ESCO1: variants seen among roughly 807,000 people sequenced by gnomAD.
ESCO1 encodes establishment of sister chromatid cohesion N-acetyltransferase 1, also known as N-acetyltransferase ESCO1.
A neutral mutation model predicts 83.5 loss-of-function variants in ESCO1; 33 were observed. The ratio of observed to expected loss-of-function variants is 0.40; its 90% CI spans 0.30 to 0.53. The LOEUF (loss-of-function observed/expected upper bound fraction) is 0.53. Among genes scored for constraint, ESCO1 ranks in the 20% least tolerant of loss-of-function variants. The probability of loss-of-function intolerance (pLI) is 0.63; values close to 1 mark genes in which losing one functional copy is unlikely to be tolerated. For missense variants in ESCO1, 855 were observed against 968.0 expected (o/e 0.88, Z 1.55); for synonymous variants, 332 against 324.3 (o/e 1.02, Z -0.25).
intron 9 of ESCO1, among the ~76,000 whole-genome samples, chr18:21,537,105 A>G (rs868471312): frequency 1.8e-4 from 27 of 152,196 alleles, no homozygotes; most frequent in Non-Finnish European, 1.5e-4. Context: ...TCACATGTGA[A>G]CCCAAAATGT....
intron 4 of ESCO1, among the ~76,000 whole-genome samples, chr18:21,569,522 G>A (rs569359320): frequency 3.3e-5 from 5 of 152,306 alleles, no homozygotes; most frequent in East Asian, 1.9e-4. Flanking sequence ...CAAGCAGGCC[G>A]ATCACCTGAG....
At chr18:21,600,162 T>C (rs546700367) in intron 1 of ESCO1, among the ~76,000 whole-genome samples, 2 of 152,330 alleles carry the variant, frequency 1.3e-5, no homozygotes, top group South Asian at 4.1e-4. Context: ...GGCGAGGGAC[T>C]GGCTCCGGTG....
chr18:21,534,370 G>C (rs1275158463), intron 10 of ESCO1, among the ~76,000 whole-genome samples: 1 of 152,178 alleles, frequency 6.6e-6, no homozygotes, highest in East Asian at 1.9e-4. Context: ...CTGAACAGTA[G>C]TCACACACAA....
intron 8 of ESCO1, among the ~76,000 whole-genome samples, chr18:21,548,916 C>CA (rs2038009654): frequency 6.7e-6 from 1 of 149,912 alleles, no homozygotes; most frequent in Admixed American, 6.7e-5. Context: ...TCAGCCTGGC[C>CA]AATAGAGCAA....
intron 8 of ESCO1, among the ~76,000 whole-genome samples, chr18:21,551,112 CAA>C (rs57346736): frequency 3.1e-4 from 23 of 75,250 alleles, no homozygotes; most frequent in Admixed American, 8.0e-4. Context: ...AACTCTGTCT[CAA>C]AAAAAAAAAA....
rs148186955 is a variant in ESCO1 at position 21,554,849 on chromosome 18, A to G, written c.1953+6010T>C. Among the ~76,000 whole-genome samples, 333 of 152,262 alleles carry G rather than the reference A, an allele frequency of 2.2e-3. 1 individual carries two copies. The highest frequency in any genetic ancestry group is 7.4e-3 in the African/African-American group (309 of 41,546). On this transcript the variant is annotated intron_variant, in intron 8 of 11. Coordinates refer to ENST00000269214, the MANE Select transcript of ESCO1 (RefSeq NM_052911.3). ...CTTGAACCCGAGAGGCGGAGGTTTC[A>G]GTGAGCAGAGATCATGCCACTGCAC... is the stretch of plus-strand genomic sequence containing the variant.
At chr18:21,539,527 T>C (rs2037876866) in intron 9 of ESCO1, among the ~76,000 whole-genome samples, 1 of 152,186 alleles carries the variant, frequency 6.6e-6, no homozygotes, top group Admixed American at 6.5e-5. Context: ...TTCAATATAC[T>C]ATGCCAGCAA....
chr18:21,561,157 A>G (rs1216032365), intron 7 of ESCO1, among the ~76,000 whole-genome samples, 167 bp from the exon 8 acceptor site: 2 of 152,234 alleles, frequency 1.3e-5, no homozygotes, highest in African/African-American at 4.8e-5. Context: ...ATCTGCATGT[A>G]ATTTTACTAG....
chr18:21,561,007 C>G lies in ESCO1; in HGVS notation c.1822-17G>C, dbSNP rs775563937. The G allele has an allele frequency of 3.8e-6, 6 of 1,571,592 alleles. No homozygotes were observed. The highest frequency in any genetic ancestry group is 4.3e-6 in the Non-Finnish European group (5 of 1,163,384). ...TCCTGCATCCTATTTACAAAAAACA[C>G]ACAAAAGTTTTTTTCCTCCCAAAAG... On this transcript the variant is annotated splice_polypyrimidine_tract_variant and intron_variant, in intron 7 of 11. Transcript: ENST00000269214.
intron 7 of ESCO1, among the ~76,000 whole-genome samples, chr18:21,561,608 A>G (rs770038747): frequency 2.0e-5 from 3 of 152,128 alleles, no homozygotes; most frequent in Admixed American, 1.3e-4. Context: ...TTGTATTTTT[A>G]GTAAAGATGG....
chr18:21,534,781 C>T (rs2037812303), intron 10 of ESCO1, among the ~76,000 whole-genome samples: 1 of 152,036 alleles, frequency 6.6e-6, no homozygotes, highest in Non-Finnish European at 1.5e-5. Context: ...GCACACACCA[C>T]ATCTGGCTAA....
intron 8 of ESCO1, among the ~76,000 whole-genome samples, chr18:21,559,548 C>A (rs976302687): frequency 5.3e-5 from 8 of 152,178 alleles, no homozygotes; most frequent in African/African-American, 1.9e-4. Flanking sequence ...TTTTAGGAAA[C>A]TAAATGATCA....
At chr18:21,589,058 A>G (rs1293728022) in intron 1 of ESCO1, among the ~76,000 whole-genome samples, 1 of 152,148 alleles carries the variant, frequency 6.6e-6, no homozygotes, top group East Asian at 1.9e-4. Context: ...CCTGGCCAAC[A>G]TGGTGAAACC....
intron 8 of ESCO1, among the ~76,000 whole-genome samples, chr18:21,554,445 TA>T (rs1193534270): frequency 6.6e-6 from 1 of 152,036 alleles, no homozygotes; most frequent in Non-Finnish European, 1.5e-5. Flanking sequence ...CACACAGCGC[TA>T]AAAAGAAACG....
At chr18:21,579,347 A>T (rs762955883) in intron 2 of ESCO1, among the ~76,000 whole-genome samples, 1 of 152,126 alleles carries the variant, frequency 6.6e-6, no homozygotes, top group Non-Finnish European at 1.5e-5. Flanking sequence ...AGACAGGCCC[A>T]GCTACTCGGG....
chr18:21,577,420 GA>G, intron 2 of ESCO1, among the ~76,000 whole-genome samples: 1 of 150,646 alleles, frequency 6.6e-6, no homozygotes, highest in South Asian at 2.1e-4. Flanking sequence ...AGCACTTTGG[GA>G]GGCCGAGGCG....
At chr18:21,567,429 T>C (rs892283263) in intron 5 of ESCO1, among the ~76,000 whole-genome samples, 3 of 151,868 alleles carry the variant, frequency 2.0e-5, no homozygotes, top group Non-Finnish European at 4.4e-5. Flanking sequence ...CATTCCAAAG[T>C]GCTGCGATTA....
chr18:21,564,357 T>C, intron 6 of ESCO1, 40 bp from the exon 7 acceptor site: 6 of 1,219,554 alleles, frequency 4.9e-6, no homozygotes, highest in Non-Finnish European at 7.0e-6. Context: ...CAGATCCAAG[T>C]CATTTCACAT....
At chr18:21,531,062 A>T (rs1568089044) in intron 11 of ESCO1, among the ~76,000 whole-genome samples, 1 of 152,360 alleles carries the variant, frequency 6.6e-6, no homozygotes, top group East Asian at 1.9e-4. Flanking sequence ...TGATATTCAA[A>T]AGTAAACTGT....
Sources: gnomAD v4.1 joint callset for allele counts (sites outside exome capture counted in the v4.1 genomes callset) on GRCh38, gnomAD v4.1.1 for gene constraint, MANE v1.5 for transcripts, NCBI Gene and HGNC (gene_info 2026-07-23, HGNC 2026-07-21) for gene names.